SOX6: variants seen among roughly 807,000 people sequenced by gnomAD.
SOX6 encodes transcription factor SOX-6.
Under a neutral mutation model 97.8 loss-of-function variants are expected in SOX6, and 11 were observed. The observed-to-expected ratio is 0.11, with a 90% CI of 0.07 to 0.19. The LOEUF (loss-of-function observed/expected upper bound fraction) is 0.19. Ranked by LOEUF, SOX6 falls within the 10% of genes least tolerant of loss-of-function variation. The pLI, the probability that SOX6 is intolerant of heterozygous loss-of-function variation, is 1.00. For synonymous variants in SOX6, 360 were observed against 371.4 expected, an observed-to-expected ratio of 0.97 and a Z score of 0.35; for missense variants, 810 against 1,039.5, an observed-to-expected ratio of 0.78 and a Z score of 3.04.
At position 16,434,305 on chromosome 11, in the gene SOX6, G is replaced by C. The variant is rs1418930464; in HGVS notation, c.-5+42010C>G. 2.0e-5 allele frequency: 3 copies of C among 151,900 alleles called. No individual in the cohort carries two copies. The East Asian group carries it at 5.8e-4, about 29-fold the overall frequency. The allele number at this position is 151,900 out of a possible 1,614,324, so 9.4% of individuals were successfully genotyped here. A position where few individuals can be genotyped will look rare whatever the true frequency, so the allele number is the denominator to read the frequency against. On this transcript the variant is annotated intron_variant, in intron 1 of 15. Transcript: ENST00000396356. Reference sequence around the variant, plus strand: ...CTTTTGCTCATGTTTTTCTGCTTCTGGAATGTCCTTTTTTACCCTTGTCGA... The same window carrying C: ...CTTTTGCTCATGTTTTTCTGCTTCTCGAATGTCCTTTTTTACCCTTGTCGA...
At chr11:16,719,524 A>T (rs1350363402) in intron 2 of SOX6, among the ~76,000 whole-genome samples, 1 of 152,232 alleles carries the variant, frequency 6.6e-6, no homozygotes, top group East Asian at 1.9e-4. Context: ...ACTAATTAGT[A>T]AACATGCTTT....
At chr11:16,282,762 T>C (rs1854603599) in intron 3 of SOX6, among the ~76,000 whole-genome samples, 1 of 151,208 alleles carries the variant, frequency 6.6e-6, no homozygotes, top group African/African-American at 2.4e-5. Flanking sequence ...ATATCAATTG[T>C]CAAAATATGT....
At chr11:16,032,240 T>C (rs563971075) in intron 12 of SOX6, among the ~76,000 whole-genome samples, 1 of 152,140 alleles carries the variant, frequency 6.6e-6, no homozygotes, top group South Asian at 2.1e-4. Context: ...AGTATAGAAT[T>C]TATATAGAGC....
At chr11:16,532,944 T>C (rs1035659371) in intron 4 of SOX6, among the ~76,000 whole-genome samples, 2 of 151,864 alleles carry the variant, frequency 1.3e-5, no homozygotes, top group Non-Finnish European at 2.9e-5. Flanking sequence ...TTGGTGTGTG[T>C]TGCAATAAGG....
At chr11:16,302,566 C>CTTTTTT (rs71044096) in intron 3 of SOX6, among the ~76,000 whole-genome samples, 70 of 86,986 alleles carry the variant, frequency 8.0e-4, no homozygotes, top group East Asian at 1.1e-3. Context: ...TTCTTTTTTT[C>CTTTTTT]TTTTTTTTTT....
At chr11:16,249,048 C>T (rs1164181658) in intron 3 of SOX6, among the ~76,000 whole-genome samples, 30 of 151,496 alleles carry the variant, frequency 2.0e-4, no homozygotes, top group Non-Finnish European at 1.5e-5. Context: ...TTGCAGTGAG[C>T]CAAGATCGCA....
At chr11:16,116,824 T>C (rs1243356367) in intron 6 of SOX6, among the ~76,000 whole-genome samples, 1 of 152,192 alleles carries the variant, frequency 6.6e-6, no homozygotes, top group Non-Finnish European at 1.5e-5. Flanking sequence ...GCTGTGGCAT[T>C]AGATTCTCAT....
At chr11:16,369,421 C>T (rs1304561781) in intron 1 of SOX6, among the ~76,000 whole-genome samples, 2 of 152,012 alleles carry the variant, frequency 1.3e-5, no homozygotes, top group African/African-American at 4.8e-5. Flanking sequence ...ACTTGTTATG[C>T]TTATTGTTGT....
At chr11:16,305,247 C>A (rs200879140) in intron 3 of SOX6, among the ~76,000 whole-genome samples, 3 of 151,990 alleles carry the variant, frequency 2.0e-5, no homozygotes, top group Non-Finnish European at 4.4e-5. Flanking sequence ...GAAAATAGAC[C>A]GAAAACATGA....
At position 16,318,190 on chromosome 11, in the gene SOX6, G is replaced by A. The variant is rs540103398; in HGVS notation, c.445+256C>T. ...TTACCTTTTTCCAGAGTAGGATTAT[G>A]GTCAGTTTAAAATCCTAATTTGTTA... is the stretch of plus-strand genomic sequence containing the variant. On this transcript the variant is annotated intron_variant, in intron 3 of 15. Transcript: ENST00000683767. The A allele has an allele frequency of 2.6e-5, 13 of 500,232 alleles. No homozygotes were observed. The East Asian group carries it at 4.7e-4, about 18-fold the overall frequency. The allele number at this position is 500,232 out of a possible 1,614,324, so 31.0% of individuals were successfully genotyped here. A position where few individuals can be genotyped will look rare whatever the true frequency, so the allele number is the denominator to read the frequency against.
At chr11:16,320,445 G>A (rs932813946) in intron 2 of SOX6, among the ~76,000 whole-genome samples, 5 of 152,018 alleles carry the variant, frequency 3.3e-5, no homozygotes, top group Non-Finnish European at 5.9e-5. Context: ...TAGGTATTTC[G>A]GATTATTGTC....
chr11:16,458,717 C>A (rs1247812865), intron 1 of SOX6, among the ~76,000 whole-genome samples: 1 of 152,064 alleles, frequency 6.6e-6, no homozygotes, highest in African/African-American at 2.4e-5. Flanking sequence ...ATTTATCCTG[C>A]TGGCTTAGAC....
chr11:16,632,174 C>A (rs1848716299), intron 3 of SOX6, among the ~76,000 whole-genome samples: 1 of 152,120 alleles, frequency 6.6e-6, no homozygotes, highest in African/African-American at 2.4e-5. Context: ...AAAATTCTTC[C>A]TTTGGTTCCT....
intron 4 of SOX6, among the ~76,000 whole-genome samples, chr11:16,546,616 G>A (rs2133181509): frequency 6.6e-6 from 1 of 152,150 alleles, no homozygotes; most frequent in Non-Finnish European, 1.5e-5. Context: ...GTCAACTCAA[G>A]ATGAATTAAA....
At chr11:16,124,860 G>C (rs1849571213) in intron 6 of SOX6, among the ~76,000 whole-genome samples, 1 of 152,050 alleles carries the variant, frequency 6.6e-6, no homozygotes, top group South Asian at 2.1e-4. Context: ...TGAACGCAGA[G>C]AGACAAGTTT....
chr11:16,574,078 A>T (rs1357325558), intron 4 of SOX6, among the ~76,000 whole-genome samples: 1 of 152,212 alleles, frequency 6.6e-6, no homozygotes, highest in East Asian at 1.9e-4. Flanking sequence ...CTAATAGATT[A>T]AATGCAAACT....
chr11:16,608,404 C>T (rs1373001937), intron 4 of SOX6, among the ~76,000 whole-genome samples: 1 of 151,412 alleles, frequency 6.6e-6, no homozygotes, highest in African/African-American at 2.4e-5. Flanking sequence ...GAAGGACAGG[C>T]AGGCCAGGGA....
intron 7 of SOX6, among the ~76,000 whole-genome samples, chr11:16,107,875 C>T (rs16932565): frequency 2.0e-5 from 3 of 152,116 alleles, no homozygotes; most frequent in Admixed American, 2.0e-4. Flanking sequence ...CAGAGGGACA[C>T]TATGACTCAG....
At chr11:16,660,859 C>G (rs1314532391) in intron 3 of SOX6, among the ~76,000 whole-genome samples, 3 of 152,156 alleles carry the variant, frequency 2.0e-5, no homozygotes, top group Admixed American at 2.0e-4. Flanking sequence ...ACTTCTCTGT[C>G]CCCCAGAATT....
Sources: gnomAD v4.1 joint callset for allele counts (sites outside exome capture counted in the v4.1 genomes callset) on GRCh38, gnomAD v4.1.1 for gene constraint, MANE v1.5 for transcripts, NCBI Gene and HGNC (gene_info 2026-07-23, HGNC 2026-07-21) for gene names.